FANK1: variants seen among roughly 807,000 people sequenced by gnomAD.
The protein encoded by FANK1 is fibronectin type 3 and ankyrin repeat domains protein 1.
Under a neutral mutation model 45.3 loss-of-function variants are expected in FANK1, and 44 were observed. That is an observed-to-expected ratio of 0.97 (90% CI 0.76 to 1.25). The LOEUF (loss-of-function observed/expected upper bound fraction) is 1.25. FANK1 is among the 50% of genes most tolerant of loss of function. The pLI is 0.00. For synonymous variants in FANK1, 149 were observed against 152.5 expected, an observed-to-expected ratio of 0.98 and a Z score of 0.17; for missense variants, 391 against 424.4, an observed-to-expected ratio of 0.92 and a Z score of 0.69.
chr10:125,996,482 A>G (rs1952336181), intron 4 of FANK1, 68 bp from the exon 5 acceptor site: 1 of 1,473,466 alleles, frequency 6.8e-7, no homozygotes, highest in African/African-American at 1.4e-5. Flanking sequence ...GCCCTGTGAG[A>G]ACCACCGGCT....
chr10:126,005,352 C>T lies in FANK1; in HGVS notation c.705+303C>T, dbSNP rs185688834. Among the ~76,000 whole-genome samples the T allele has an allele frequency of 5.7e-3, 850 of 149,126 alleles. 8 individuals are homozygous for T. The highest frequency in any genetic ancestry group is 0.02 in the African/African-American group (800 of 40,306). On this transcript the variant is annotated intron_variant, in intron 7 of 10. Transcript: ENST00000368693. ...AGATGGAGTCTCACTCTGTCGCCCA[C>T]GCTGGAGTGCAGTGGCGCGATCTCG...
chr10:125,901,027 C>T (rs890444121), intron 1 of FANK1, among the ~76,000 whole-genome samples: 41 of 152,158 alleles, frequency 2.7e-4, no homozygotes, highest in Non-Finnish European at 4.7e-4. Flanking sequence ...AGGTATGCCT[C>T]AAACTCCTGG....
chr10:125,994,522 G>T (rs1246486049), intron 3 of FANK1: 2 of 985,276 alleles, frequency 2.0e-6, no homozygotes, highest in East Asian at 1.1e-4. Flanking sequence ...GACGATGGTA[G>T]CTGCTGTACT....
intron 1 of FANK1, among the ~76,000 whole-genome samples, chr10:125,945,518 C>G (rs544840026): frequency 5.3e-5 from 8 of 152,332 alleles, no homozygotes; most frequent in Admixed American, 5.2e-4. Flanking sequence ...GGGTCACTCC[C>G]ACCCGAATAT....
chr10:125,945,649 T>TGCAAG (rs1948738760), intron 1 of FANK1, among the ~76,000 whole-genome samples: 1 of 152,140 alleles, frequency 6.6e-6, no homozygotes, highest in South Asian at 2.1e-4. Context: ...GAGATCAAAC[T>TGCAAG]GCAAGGCGGC....
chr10:125,928,113 A>G (rs1356571703), intron 1 of FANK1, among the ~76,000 whole-genome samples: 1 of 152,170 alleles, frequency 6.6e-6, no homozygotes, highest in Non-Finnish European at 1.5e-5. Flanking sequence ...GGGCGAGTCC[A>G]TAGAGTAAAG....
chr10:125,994,142 G>T (rs1265877510), intron 3 of FANK1, among the ~76,000 whole-genome samples: 1 of 151,814 alleles, frequency 6.6e-6, no homozygotes, highest in African/African-American at 2.4e-5. Flanking sequence ...GCCCCAGGAG[G>T]TGGCGTAGGG....
Position 125,946,253 on chromosome 10 carries a change from A to G in FANK1, c.14-33908A>G, listed in dbSNP as rs902489824. On this transcript the variant is annotated intron_variant, in intron 1 of 10. Coordinates refer to ENST00000368693, the MANE Select transcript of FANK1 (RefSeq NM_145235.5). The stretch of plus-strand genomic sequence containing the variant: ...CTCACCAGCAACGGAACAAAGCTGG[A>G]TGGAGAATGACTTTGACGAGCTGAG... Among the ~76,000 whole-genome samples the G allele has an allele frequency of 6.2e-3, 944 of 152,078 alleles. 13 individuals carry two copies. Among genetic ancestry groups the G allele is most frequent in the African/African-American group, 0.021 (890 of 41,480 alleles).
At chr10:125,919,602 C>T (rs958194976) in intron 1 of FANK1, among the ~76,000 whole-genome samples, 4 of 151,984 alleles carry the variant, frequency 2.6e-5, no homozygotes, top group Admixed American at 2.6e-4. Flanking sequence ...CTAGCCAGCC[C>T]TGAGGCTCAT....
chr10:125,964,186 CTTTTTTTTTTTTTTT>C (rs71486557), intron 1 of FANK1, among the ~76,000 whole-genome samples: 1 of 78,392 alleles, frequency 1.3e-5, no homozygotes, highest in Non-Finnish European at 2.2e-5. Context: ...TTCTCTCTCT[CTTTTTTTTTTTTTTT>C]TTTTTTTTTG....
At chr10:126,001,356 T>G (rs903235085) in intron 6 of FANK1, among the ~76,000 whole-genome samples, 2 of 152,176 alleles carry the variant, frequency 1.3e-5, no homozygotes, top group Admixed American at 6.5e-5. Flanking sequence ...TATGAAATAA[T>G]AAGAAACTGA....
intron 1 of FANK1, among the ~76,000 whole-genome samples, chr10:125,962,327 T>C (rs1381794200): frequency 6.6e-6 from 1 of 152,162 alleles, no homozygotes; most frequent in Non-Finnish European, 1.5e-5. Context: ...TTTCTTAAGT[T>C]TATTCTGCTT....
At chr10:125,950,684 G>A (rs1436181926) in intron 1 of FANK1, among the ~76,000 whole-genome samples, 1 of 152,058 alleles carries the variant, frequency 6.6e-6, no homozygotes, top group Non-Finnish European at 1.5e-5. Flanking sequence ...AGTCAGTGTG[G>A]CGATTCCTCA....
chr10:125,994,880 G>A, intron 3 of FANK1: 6 of 985,346 alleles, frequency 6.1e-6, no homozygotes, highest in Non-Finnish European at 7.2e-6. Flanking sequence ...CCCCTAATTG[G>A]CTTTTCTCCT....
rs1004320162 is a variant in FANK1, at chr10:126,005,109, T to TGGGGTCTGGCAGAAGC, written c.705+61_705+76dup. Reference sequence around the variant, plus strand: ...GTTAAGAATCTGAAATGCTGCTCCATGGGGTCTGGCAGAAGCAGGGCCTTT... The same window carrying TGGGGTCTGGCAGAAGC: ...GTTAAGAATCTGAAATGCTGCTCCATGGGGTCTGGCAGAAGCGGGGTCTGGCAGAAGCAGGGCCTTT... On this transcript the variant is annotated intron_variant, in intron 7 of 10. Transcript: ENST00000368693. 12 of 1,555,720 alleles carry TGGGGTCTGGCAGAAGC rather than the reference T, an allele frequency of 7.7e-6. No homozygotes were observed. The African/African-American group carries it at 1.6e-4, about 21-fold the overall frequency.
At chr10:125,914,830 T>C (rs912267757) in intron 1 of FANK1, among the ~76,000 whole-genome samples, 2 of 151,766 alleles carry the variant, frequency 1.3e-5, no homozygotes, top group African/African-American at 4.8e-5. Flanking sequence ...GTGGTGGAGA[T>C]CAGAAGTGAG....
At chr10:125,915,276 T>TTAAA (rs57143566) in intron 1 of FANK1, among the ~76,000 whole-genome samples, 69,524 of 150,792 alleles carry the variant, frequency 0.46, 16,439 homozygotes, top group African/African-American at 0.55. Flanking sequence ...GATATAAATG[T>TTAAA]TATTTTATTA....
intron 1 of FANK1, among the ~76,000 whole-genome samples, chr10:125,915,729 C>T (rs1416291975): frequency 6.6e-6 from 1 of 152,132 alleles, no homozygotes; most frequent in Non-Finnish European, 1.5e-5. Context: ...TGGGAGAATC[C>T]CTTGAGCCAG....
In FANK1 at chr10:126,000,353, A is replaced by C. The variant is rs1590231320; in HGVS notation, c.539+2868A>C. Reference sequence around the variant, plus strand: ...GCCTTGACAGTTATTAAAATGCCTCATAACGTTATAGTAATTAATGTAGTA... The same window carrying C: ...GCCTTGACAGTTATTAAAATGCCTCCTAACGTTATAGTAATTAATGTAGTA... On this transcript the variant is annotated intron_variant, in intron 6 of 10. Coordinates refer to ENST00000368693, the MANE Select transcript of FANK1 (RefSeq NM_145235.5). 2.6e-5 allele frequency among the ~76,000 whole-genome samples: 4 copies of C among 152,338 alleles called. No individual in the cohort carries two copies. The South Asian group carries it at 6.2e-4, about 24-fold the overall frequency.
Sources: gnomAD v4.1 joint callset for allele counts (sites outside exome capture counted in the v4.1 genomes callset) on GRCh38, gnomAD v4.1.1 for gene constraint, MANE v1.5 for transcripts, NCBI Gene and HGNC (gene_info 2026-07-23, HGNC 2026-07-21) for gene names.